PRDM5: variants seen among roughly 807,000 people sequenced by gnomAD.
PRDM5 encodes the protein PR domain zinc finger protein 5.
PRDM5 carries 56 observed loss-of-function variants against 81.2 expected under a neutral mutation model. That is an observed-to-expected ratio of 0.69 (90% CI 0.56 to 0.86). The LOEUF (loss-of-function observed/expected upper bound fraction) is 0.86. Ranked by LOEUF, PRDM5 falls within the 40% of genes least tolerant of loss-of-function variation. The pLI is 0.00. For missense variants in PRDM5, 697 were observed against 770.1 expected (o/e 0.91, Z 1.12); for synonymous variants, 267 against 256.4 (o/e 1.04, Z -0.39).
intron 12 of PRDM5, among the ~76,000 whole-genome samples, chr4:120,780,009 C>T (rs895797745): frequency 2.6e-5 from 4 of 151,754 alleles, no homozygotes; most frequent in African/African-American, 9.7e-5. Flanking sequence ...TAAAAAAATA[C>T]AGGAAAAGAA....
At chr4:120,745,945 A>G (rs1363016201) in intron 14 of PRDM5, among the ~76,000 whole-genome samples, 4 of 150,466 alleles carry the variant, frequency 2.7e-5, no homozygotes, top group Admixed American at 6.6e-5. Context: ...TAAAGTTCAT[A>G]TGGAACCAAA....
At chr4:120,794,105 T>A (rs1337527643) in intron 10 of PRDM5, among the ~76,000 whole-genome samples, 2 of 152,192 alleles carry the variant, frequency 1.3e-5, no homozygotes, top group Admixed American at 6.6e-5. Flanking sequence ...ATCCTGCATG[T>A]CCCTCATAAT....
At chr4:120,863,173 A>ATAT (rs1398949174) in intron 2 of PRDM5, among the ~76,000 whole-genome samples, 1 of 62,140 alleles carries the variant, frequency 1.6e-5, no homozygotes, top group Non-Finnish European at 3.4e-5. Flanking sequence ...AAAAAAAAAA[A>ATAT]AAATATATAT....
At chr4:120,689,283 T>G (rs781351895), downstream of PRDM5, among the ~76,000 whole-genome samples, 2 of 152,166 alleles carry the variant, frequency 1.3e-5, no homozygotes, top group Non-Finnish European at 2.9e-5. Flanking sequence ...CTTGTCACTC[T>G]TAAAAGGGTA....
chr4:120,909,663 G>A (rs1204647748), intron 1 of PRDM5, among the ~76,000 whole-genome samples: 1 of 151,442 alleles, frequency 6.6e-6, no homozygotes, highest in Non-Finnish European at 1.5e-5. Context: ...AGTGTTCAGA[G>A]GACTAAAGAG....
chr4:120,701,269 G>A (rs1209784008), intron 15 of PRDM5, among the ~76,000 whole-genome samples: 1 of 152,080 alleles, frequency 6.6e-6, no homozygotes, highest in Non-Finnish European at 1.5e-5. Context: ...ACAGTCTGGA[G>A]ATTTCTAAAA....
intron 15 of PRDM5, among the ~76,000 whole-genome samples, chr4:120,702,200 A>T (rs1008110543): frequency 6.6e-6 from 1 of 152,198 alleles, no homozygotes; most frequent in Non-Finnish European, 1.5e-5. Context: ...TTCACATAAC[A>T]GTTGAAATGA....
intron 2 of PRDM5, among the ~76,000 whole-genome samples, chr4:120,898,679 T>C (rs1447402639): frequency 6.6e-6 from 1 of 152,222 alleles, no homozygotes; most frequent in Admixed American, 6.5e-5. Flanking sequence ...TTTGGAGTTG[T>C]TATCAGCAGT....
At chr4:120,743,990 C>A (rs1203099455) in intron 14 of PRDM5, among the ~76,000 whole-genome samples, 1 of 151,958 alleles carries the variant, frequency 6.6e-6, no homozygotes, top group African/African-American at 2.4e-5. Context: ...TTTTTCAGCA[C>A]CACACCACAC....
At chr4:120,774,905 T>TAC (rs1747882068) in intron 13 of PRDM5, among the ~76,000 whole-genome samples, 1 of 120,366 alleles carries the variant, frequency 8.3e-6, no homozygotes, top group African/African-American at 3.2e-5. Flanking sequence ...TATATATATA[T>TAC]ATGTATATGT....
intron 15 of PRDM5, among the ~76,000 whole-genome samples, chr4:120,697,050 G>A (rs907890155): frequency 3.3e-5 from 5 of 152,080 alleles, no homozygotes; most frequent in African/African-American, 7.2e-5. Flanking sequence ...AGCATATGAT[G>A]ACAGACTACA....
chr4:120,757,110 G>T (rs1198281527), intron 13 of PRDM5, among the ~76,000 whole-genome samples: 1 of 152,032 alleles, frequency 6.6e-6, no homozygotes. Flanking sequence ...AATCCATCAA[G>T]CAAAGAAAGA....
At chr4:120,854,118 G>A (rs1343401188) in intron 2 of PRDM5, among the ~76,000 whole-genome samples, 1 of 152,194 alleles carries the variant, frequency 6.6e-6, no homozygotes, top group Non-Finnish European at 1.5e-5. Context: ...CTCATGGATT[G>A]CTGAGGATGG....
chr4:120,702,341 T>C (rs1371965549), intron 15 of PRDM5, among the ~76,000 whole-genome samples: 1 of 152,180 alleles, frequency 6.6e-6, no homozygotes, highest in Non-Finnish European at 1.5e-5. Flanking sequence ...ACCATTGGGC[T>C]TCCTGCCTCA....
At chr4:120,914,447 T>G (rs1394768351) in intron 1 of PRDM5, among the ~76,000 whole-genome samples, 1 of 151,900 alleles carries the variant, frequency 6.6e-6, no homozygotes, top group African/African-American at 2.4e-5. Flanking sequence ...TCCAGAGTAT[T>G]TTTTTAAAGG....
intron 15 of PRDM5, among the ~76,000 whole-genome samples, chr4:120,699,768 G>C (rs1443351461): frequency 6.6e-6 from 1 of 152,072 alleles, no homozygotes; most frequent in Non-Finnish European, 1.5e-5. Context: ...AATCACAGAT[G>C]ATACAAAGAA....
At chr4:120,743,070 T>C (rs373525561) in intron 14 of PRDM5, among the ~76,000 whole-genome samples, 4 of 151,890 alleles carry the variant, frequency 2.6e-5, no homozygotes, top group African/African-American at 7.3e-5. Flanking sequence ...ATCAGACTAA[T>C]AGCGGATCTC....
intron 14 of PRDM5, among the ~76,000 whole-genome samples, chr4:120,711,576 C>G (rs752031266): frequency 4.0e-5 from 6 of 151,746 alleles, no homozygotes; most frequent in Admixed American, 3.9e-4. Flanking sequence ...TCCCAAAGTG[C>G]TGAGATTACA....
intron 14 of PRDM5, among the ~76,000 whole-genome samples, chr4:120,723,713 T>A (rs1738968984): frequency 6.6e-6 from 1 of 152,076 alleles, no homozygotes; most frequent in Non-Finnish European, 1.5e-5. Flanking sequence ...TTATGCCGAC[T>A]GATATATATA....
Sources: allele counts gnomAD v4.1 joint callset (sites outside exome capture counted in the v4.1 genomes callset), GRCh38; gene constraint gnomAD v4.1.1; transcripts MANE v1.5; gene names NCBI Gene and HGNC (gene_info 2026-07-23, HGNC 2026-07-21).